Variants in WDTC1 observed in about 807,000 individuals in gnomAD.
WDTC1 encodes the protein WD and tetratricopeptide repeats protein 1.
A neutral mutation model predicts 76.0 loss-of-function variants in WDTC1; 12 were observed. The ratio of observed to expected loss-of-function variants is 0.16; its 90% confidence interval spans 0.10 to 0.26. WDTC1 has a LOEUF of 0.26. WDTC1 is among the 10% of genes least tolerant of loss of function. The pLI is 1.00. For missense variants in WDTC1, 511 were observed against 908.8 expected (o/e 0.56, Z 5.63); for synonymous variants, 326 against 350.8 (o/e 0.93, Z 0.79).
At chr1:27,288,496 G>A (rs1312682485) in intron 6 of WDTC1, among the ~76,000 whole-genome samples, 3 of 152,022 alleles carry the variant, frequency 2.0e-5, no homozygotes, top group Non-Finnish European at 2.9e-5. Flanking sequence ...AGGACCCTGC[G>A]GCCCTCTGCA....
chr1:27,294,198 A>G, intron 8 of WDTC1, 82 bp downstream of exon 8: 1 of 1,432,384 alleles, frequency 7.0e-7, no homozygotes, highest in African/African-American at 1.4e-5. Context: ...ACAGCATGGC[A>G]TGGTGGTCAA....
chr1:27,242,761 A>C (rs2011669659), intron 1 of WDTC1, among the ~76,000 whole-genome samples: 2 of 151,934 alleles, frequency 1.3e-5, no homozygotes, highest in African/African-American at 4.8e-5. Flanking sequence ...GAGCCACCGC[A>C]CCCAGGCGAC....
chr1:27,234,679 G>A lies in WDTC1; in HGVS notation c.-372G>A. ...CAGCTGGAGGAGATAAACAGAGGAG[G>A]AGGAGGGAGGGGAGTGCGTGTGTGA... On this transcript the variant is annotated 5_prime_UTR_variant, in exon 1 of 16. Transcript: ENST00000319394. 2.5e-6 allele frequency: 1 copy of A among 397,676 alleles called. No individual in the cohort carries two copies. Among genetic ancestry groups the A allele is most frequent in the Non-Finnish European group, 4.4e-6 (1 of 225,382 alleles). The allele number at this position is 397,676 out of a possible 1,614,324, so 24.6% of individuals were successfully genotyped here.
At chr1:27,242,721 G>C (rs370436037) in intron 1 of WDTC1, among the ~76,000 whole-genome samples, 1 of 151,950 alleles carries the variant, frequency 6.6e-6, no homozygotes, top group Non-Finnish European at 1.5e-5. Context: ...CACCCACCTC[G>C]GCCTCCCAAA....
intron 3 of WDTC1, among the ~76,000 whole-genome samples, chr1:27,266,091 A>T (rs891158495): frequency 6.6e-6 from 1 of 152,216 alleles, no homozygotes; most frequent in African/African-American, 2.4e-5. Flanking sequence ...CCACTACTCT[A>T]TAGAGCCATG....
intron 5 of WDTC1, among the ~76,000 whole-genome samples, chr1:27,285,249 C>G (rs1012233119): frequency 6.6e-6 from 1 of 151,902 alleles, no homozygotes; most frequent in Non-Finnish European, 1.5e-5. Context: ...GTTGGCCAGG[C>G]CAGTTTCGAA....
intron 1 of WDTC1, among the ~76,000 whole-genome samples, chr1:27,252,175 GTC>G (rs2012091198): frequency 6.6e-6 from 1 of 151,786 alleles, no homozygotes; most frequent in East Asian, 2.0e-4. Context: ...GTGAGGTCAT[GTC>G]TCTACAAAAA....
chr1:27,274,510 A>G lies in WDTC1; in HGVS notation c.133-7729A>G, dbSNP rs1256120634. ...TACAAAGAACTGTTGTAGTGGCAGCAACCAAGTAAGAGAGCCAGAAGGGAG... is the reference window on the plus strand; with the variant it reads ...TACAAAGAACTGTTGTAGTGGCAGCGACCAAGTAAGAGAGCCAGAAGGGAG... On this transcript the variant is annotated intron_variant, in intron 3 of 15. Transcript: ENST00000319394. This position sits in a 1 kb window ranked among gnomAD's most constrained non-coding sequence, Gnocchi z 4.2. Among the ~76,000 whole-genome samples the G allele has an allele frequency of 6.6e-6, 1 of 152,198 alleles. No individual in the cohort carries two copies. The highest frequency in any genetic ancestry group is 1.5e-5 in the Non-Finnish European group (1 of 68,038).
intron 1 of WDTC1, among the ~76,000 whole-genome samples, chr1:27,253,674 A>G (rs529661608): frequency 5.3e-5 from 8 of 152,014 alleles, no homozygotes; most frequent in South Asian, 4.2e-4. Context: ...AGTTTATCAC[A>G]GTGCCTGGCA....
At chr1:27,295,463 T>C (rs548159269) in intron 9 of WDTC1, among the ~76,000 whole-genome samples, 1 of 152,172 alleles carries the variant, frequency 6.6e-6, no homozygotes, top group African/African-American at 2.4e-5. Flanking sequence ...TTTTTGTTTT[T>C]TTTTTTTGAG....
At chr1:27,282,382 G>T (rs188521701) in intron 4 of WDTC1, 97 bp downstream of exon 4, 4 of 1,258,520 alleles carry the variant, frequency 3.2e-6, no homozygotes, top group Non-Finnish European at 4.5e-6. Context: ...GAAAAGATTG[G>T]ACCCAAATGA....
At chr1:27,276,511 A>G (rs962183922) in intron 3 of WDTC1, among the ~76,000 whole-genome samples, 1 of 152,002 alleles carries the variant, frequency 6.6e-6, no homozygotes. Flanking sequence ...TGGCTAACAC[A>G]GTGAAACCCC....
chr1:27,264,003 A>T (rs1338179170), intron 3 of WDTC1, among the ~76,000 whole-genome samples: 2 of 144,338 alleles, frequency 1.4e-5, no homozygotes, highest in African/African-American at 2.5e-5. Flanking sequence ...ATAGGTGTTT[A>T]AAAAAAAAAA....
At chr1:27,293,249 G>A (rs939157752) in intron 7 of WDTC1, among the ~76,000 whole-genome samples, 2 of 150,058 alleles carry the variant, frequency 1.3e-5, no homozygotes, top group Admixed American at 6.6e-5. Flanking sequence ...TGGCTAACAC[G>A]GTGAAACCCC....
At chr1:27,245,272 T>A (rs1181484988) in intron 1 of WDTC1, among the ~76,000 whole-genome samples, 1 of 151,774 alleles carries the variant, frequency 6.6e-6, no homozygotes, top group Non-Finnish European at 1.5e-5. Context: ...TGAACAAAAG[T>A]GCTTTGATAG....
chr1:27,261,565 C>G lies in WDTC1; in HGVS notation c.48+463C>G, dbSNP rs531903307. Reference sequence around the variant, plus strand: ...CTCTGCAGTTTGTATGTAGAAGACACTCTGATACCTGTGAGATAAATGGAT... The same window carrying G: ...CTCTGCAGTTTGTATGTAGAAGACAGTCTGATACCTGTGAGATAAATGGAT... On this transcript the variant is annotated intron_variant, in intron 2 of 15. Transcript: ENST00000319394. Among the ~76,000 whole-genome samples the G allele has an allele frequency of 3.3e-5, 5 of 152,312 alleles. No individual in the cohort carries two copies. In the South Asian group the frequency reaches 1.0e-3, roughly 32 times the overall value.
intron 12 of WDTC1, among the ~76,000 whole-genome samples, chr1:27,299,608 G>C (rs1411269014): frequency 6.6e-6 from 1 of 152,172 alleles, no homozygotes; most frequent in African/African-American, 2.4e-5. Flanking sequence ...TGGAGCAGAG[G>C]GTTCGGAAAG....
At chr1:27,289,305 C>T (rs1179315932) in intron 6 of WDTC1, among the ~76,000 whole-genome samples, 3 of 148,632 alleles carry the variant, frequency 2.0e-5, no homozygotes, top group African/African-American at 2.5e-5. Flanking sequence ...AGTTCTCAGA[C>T]GGGGTGGTTG....
intron 3 of WDTC1, among the ~76,000 whole-genome samples, chr1:27,277,473 T>C (rs2013064078): frequency 6.6e-6 from 1 of 152,222 alleles, no homozygotes; most frequent in Non-Finnish European, 1.5e-5. Flanking sequence ...ACACTCTTTT[T>C]TTTTTAAGAG....
Sources: allele counts gnomAD v4.1 joint callset (sites outside exome capture counted in the v4.1 genomes callset), GRCh38; gene constraint gnomAD v4.1.1; non-coding constraint Gnocchi (gnomAD v3.1); transcripts MANE v1.5; gene names NCBI Gene and HGNC (gene_info 2026-07-23, HGNC 2026-07-21).